The following SYT9 variants were observed in gnomAD, a reference collection of about 807,000 sequenced individuals.
SYT9 encodes the protein synaptotagmin 9.
SYT9 carries 22 observed loss-of-function variants against 48.4 expected under a neutral mutation model. That is an observed-to-expected ratio of 0.45 (90% CI 0.32 to 0.65). The LOEUF (loss-of-function observed/expected upper bound fraction) is 0.65. Ranked by LOEUF, SYT9 falls within the 30% of genes least tolerant of loss-of-function variation. The pLI is 0.03. For synonymous variants in SYT9, 265 were observed against 245.0 expected, an observed-to-expected ratio of 1.08 and a Z score of -0.76; for missense variants, 577 against 622.0, an observed-to-expected ratio of 0.93 and a Z score of 0.77.
intron 3 of SYT9, among the ~76,000 whole-genome samples, chr11:7,389,962 C>G (rs1011757658): frequency 6.6e-6 from 1 of 152,152 alleles, no homozygotes; most frequent in Non-Finnish European, 1.5e-5. Flanking sequence ...AGCCAACTTT[C>G]TGTTAAGAAT....
chr11:7,283,633 CTT>C (rs147805675), intron 1 of SYT9, among the ~76,000 whole-genome samples: 4,677 of 152,192 alleles, frequency 0.031, 113 homozygotes, highest in African/African-American at 0.068. Flanking sequence ...GTTTAACTGA[CTT>C]TTTCAATTAA....
chr11:7,408,328 A>T (rs374855665), intron 3 of SYT9, among the ~76,000 whole-genome samples: 2 of 152,044 alleles, frequency 1.3e-5, no homozygotes, highest in African/African-American at 4.8e-5. Context: ...GGGTTTCTCT[A>T]TGTTGGTCAG....
In SYT9 at chr11:7,445,393, G is replaced by A. The variant is rs560610003; in HGVS notation, c.1468-21399G>A. ...TTCACTGTCCAGCCTTGGACTCCAC[G>A]GCTGCTCTCTGCTCTCTCTGACCTT... On this transcript the variant is annotated intron_variant, in intron 6 of 6. Coordinates refer to ENST00000318881, the MANE Select transcript of SYT9 (RefSeq NM_175733.4). 1.5e-3 allele frequency among the ~76,000 whole-genome samples: 224 copies of A among 152,214 alleles called. 1 individual carries two copies. The highest frequency in any genetic ancestry group is 0.01 in the Middle Eastern group (3 of 294).
At chr11:7,269,650 C>T (rs945491619) in intron 1 of SYT9, among the ~76,000 whole-genome samples, 6 of 152,238 alleles carry the variant, frequency 3.9e-5, no homozygotes, top group Admixed American at 3.9e-4. Flanking sequence ...ACCTCACTTT[C>T]GACCTGAGTC....
intron 2 of SYT9, among the ~76,000 whole-genome samples, chr11:7,311,698 G>A (rs1030850118): frequency 6.6e-6 from 1 of 152,208 alleles, no homozygotes; most frequent in Non-Finnish European, 1.5e-5. Flanking sequence ...TGTTTCTTTT[G>A]TAAAGAAAAC....
intron 1 of SYT9, among the ~76,000 whole-genome samples, chr11:7,257,060 A>C (rs1055704926): frequency 5.3e-5 from 8 of 152,174 alleles, no homozygotes; most frequent in African/African-American, 1.9e-4. Flanking sequence ...TTTAAATCAC[A>C]GTCTCTGGGA....
At chr11:7,242,346 G>A (rs1291558951) in intron 1 of SYT9, among the ~76,000 whole-genome samples, 1 of 152,196 alleles carries the variant, frequency 6.6e-6, no homozygotes, top group Non-Finnish European at 1.5e-5. Flanking sequence ...GTGGTTAAGA[G>A]CAGGGCTCAG....
chr11:7,253,001 G>C lies in SYT9; in HGVS notation c.145+670G>C, dbSNP rs554335833. 3.3e-5 allele frequency among the ~76,000 whole-genome samples: 5 copies of C among 152,344 alleles called. No homozygotes were observed. The South Asian group carries it at 1.0e-3, about 32-fold the overall frequency. On this transcript the variant is annotated intron_variant, in intron 1 of 6. Coordinates refer to ENST00000318881, the MANE Select transcript of SYT9 (RefSeq NM_175733.4). ...CGGCCACGATGGGGTTCGTAGACTC[G>C]TCGGTCCTGGCTTGTGCACCTGTAG...
chr11:7,300,409 A>G (rs1431064239), intron 1 of SYT9, among the ~76,000 whole-genome samples: 4 of 152,220 alleles, frequency 2.6e-5, no homozygotes, highest in Non-Finnish European at 5.9e-5. Flanking sequence ...CTCGTATTTC[A>G]TTGGCCAGAG....
At chr11:7,253,982 A>G in intron 1 of SYT9, among the ~76,000 whole-genome samples, 1 of 152,178 alleles carries the variant, frequency 6.6e-6, no homozygotes, top group Admixed American at 6.5e-5. Flanking sequence ...TGGCTTTACA[A>G]GAGAAGATGG....
intron 3 of SYT9, among the ~76,000 whole-genome samples, chr11:7,345,615 A>G (rs1406127742): frequency 7.9e-5 from 12 of 152,218 alleles, no homozygotes; most frequent in Admixed American, 7.2e-4. Context: ...AAGTAAGATC[A>G]TGTGTTCCAT....
At chr11:7,415,915 A>T in intron 3 of SYT9, 127 bp from the exon 4 acceptor site, 5 of 1,152,986 alleles carry the variant, frequency 4.3e-6, no homozygotes, top group Non-Finnish European at 6.3e-6. Context: ...AACGGAAGAG[A>T]TACCAGGGAT....
chr11:7,369,728 T>A lies in SYT9; in HGVS notation c.1045-46314T>A, dbSNP rs1850322119. On this transcript the variant is annotated intron_variant, in intron 3 of 6. Coordinates refer to ENST00000318881, the MANE Select transcript of SYT9 (RefSeq NM_175733.4). ...GTTCTCCGGATAATGGGTTTTTTTT[T>A]AAGGATATATAGGCTTGTTAACTTG... Among the ~76,000 whole-genome samples the A allele has an allele frequency of 2.0e-5, 3 of 151,336 alleles. 1 individual carries two copies. In the South Asian group the frequency reaches 6.3e-4, roughly 32 times the overall value.
chr11:7,333,388 C>T lies in SYT9; in HGVS notation c.1044+19447C>T, dbSNP rs574295765. Among the ~76,000 whole-genome samples the T allele has an allele frequency of 2.0e-5, 3 of 152,278 alleles. No individual in the cohort carries two copies. The East Asian group carries it at 5.8e-4, about 29-fold the overall frequency. Reference sequence around the variant, plus strand: ...GTCTGCCTTCAGCAAGGAGCTATGACTTCGTTTTCTATAAGGCCCTGGCTC... The same window carrying T: ...GTCTGCCTTCAGCAAGGAGCTATGATTTCGTTTTCTATAAGGCCCTGGCTC... On this transcript the variant is annotated intron_variant, in intron 3 of 6. Coordinates refer to ENST00000318881, the MANE Select transcript of SYT9 (RefSeq NM_175733.4).
intron 1 of SYT9, among the ~76,000 whole-genome samples, chr11:7,292,205 G>A (rs1421795621): frequency 6.6e-6 from 1 of 152,206 alleles, no homozygotes; most frequent in East Asian, 1.9e-4. Flanking sequence ...TTGTTCCACA[G>A]GGTAGATGAG....
chr11:7,369,550 G>T lies in SYT9; in HGVS notation c.1045-46492G>T, dbSNP rs151115281. 4.5e-3 allele frequency among the ~76,000 whole-genome samples: 685 copies of T among 152,100 alleles called. 6 individuals are homozygous for T. Among genetic ancestry groups the T allele is most frequent in the African/African-American group, 0.015 (626 of 41,480 alleles). ...TTGGTGTTTTAGTCATGAAGTCTTTGCCCATGCCTATGTCCCGAATGGTAT... is the reference window on the plus strand; with the variant it reads ...TTGGTGTTTTAGTCATGAAGTCTTTTCCCATGCCTATGTCCCGAATGGTAT... On this transcript the variant is annotated intron_variant, in intron 3 of 6. Transcript: ENST00000318881.
chr11:7,431,977 G>A (rs1847582360), intron 6 of SYT9, among the ~76,000 whole-genome samples: 1 of 152,212 alleles, frequency 6.6e-6, no homozygotes, highest in African/African-American at 2.4e-5. Flanking sequence ...ATGTGGGATT[G>A]GAGGTCCCAC....
At chr11:7,422,307 C>G (rs1041651072) in intron 6 of SYT9, among the ~76,000 whole-genome samples, 1 of 152,112 alleles carries the variant, frequency 6.6e-6, no homozygotes, top group Non-Finnish European at 1.5e-5. Context: ...TCAGGGCACC[C>G]AGATGTATTC....
intron 6 of SYT9, among the ~76,000 whole-genome samples, chr11:7,458,395 C>T (rs1848186537): frequency 6.6e-6 from 1 of 152,120 alleles, no homozygotes; most frequent in Non-Finnish European, 1.5e-5. Flanking sequence ...GCAGGAGAGT[C>T]ACTTGAACCT....
Sources: gnomAD v4.1 joint callset for allele counts (sites outside exome capture counted in the v4.1 genomes callset) on GRCh38, gnomAD v4.1.1 for gene constraint, MANE v1.5 for transcripts, NCBI Gene and HGNC (gene_info 2026-07-23, HGNC 2026-07-21) for gene names.